The following IL2RA variants were observed in gnomAD, a reference collection of about 807,000 sequenced individuals.
IL2RA encodes the protein interleukin 2 receptor subunit alpha.
In IL2RA, 24 loss-of-function variants were observed where a neutral mutation model predicts 37.8. That is an observed-to-expected ratio of 0.63 (90% CI 0.46 to 0.89). The LOEUF (loss-of-function observed/expected upper bound fraction) is 0.89, where lower values mean the gene tolerates loss of function less well. IL2RA is among the 40% of genes least tolerant of loss of function. IL2RA has a pLI of 0.00. For synonymous variants in IL2RA, 125 were observed against 114.6 expected (o/e 1.09, Z -0.58); for missense variants, 319 against 348.6 (o/e 0.92, Z 0.68).
At chr10:6,050,637 C>T (rs149224866) in intron 1 of IL2RA, among the ~76,000 whole-genome samples, 11 of 152,242 alleles carry the variant, frequency 7.2e-5, no homozygotes, top group Non-Finnish European at 1.5e-4. Context: ...GAGTGAGACT[C>T]TGTCTCAAAA....
chr10:6,021,661 C>T lies in IL2RA; in HGVS notation c.400G>A (p.Glu134Lys). Residue 134 changes from glutamate (E) to lysine (K), a missense_variant, in exon 4 of 8, where the codon GAA (glutamate) becomes AAA (lysine). Physicochemically the swap from Glu to Lys is moderately conservative, Grantham distance 56 (BLOSUM62 1). Coordinates refer to ENST00000379959, the MANE Select transcript of IL2RA (RefSeq NM_000417.3). This position sits in a 1 kb window ranked among gnomAD's most constrained non-coding sequence, Gnocchi z 4.9. Reference protein sequence around the residue: ...HCREPPPWENEATERIYHFVV... With the variant: ...HCREPPPWENKATERIYHFVV... ...AAATGATAAATTCTCTCTGTGGCTTCATTTTCCCATGGTGGAGGTTCCCTG... is the reference window on the plus strand; with the variant it reads ...AAATGATAAATTCTCTCTGTGGCTTTATTTTCCCATGGTGGAGGTTCCCTG... The T allele has an allele frequency of 6.2e-7, 1 of 1,614,142 alleles. No homozygotes were observed. The highest frequency in any genetic ancestry group is 8.5e-7 in the Non-Finnish European group (1 of 1,180,012).
chr10:6,055,839 T>A (rs1197730369), intron 1 of IL2RA, among the ~76,000 whole-genome samples: 1 of 1,466 alleles, frequency 6.8e-4, no homozygotes, highest in East Asian at 2.3e-3. Flanking sequence ...GGGGGCCGAC[T>A]CCCCCCACCT....
chr10:6,032,692 CAAA>C (rs59428144), intron 1 of IL2RA, among the ~76,000 whole-genome samples: 6 of 112,704 alleles, frequency 5.3e-5, no homozygotes, highest in Non-Finnish European at 7.6e-5. Flanking sequence ...GACTCCATCT[CAAA>C]AAAAAAAAAA....
rs962563250 is a variant in IL2RA, at chr10:6,028,724, G to A, written c.65-2699C>T. Among the ~76,000 whole-genome samples, 1 of 152,214 alleles carries A rather than the reference G, an allele frequency of 6.6e-6. No individual in the cohort carries two copies. Among genetic ancestry groups the A allele is most frequent in the Non-Finnish European group, 1.5e-5 (1 of 68,042 alleles). ...TAGAAACAGACCCGTAAAATTGGGT[G>A]TGGTGGCTCATGCCTGTAATCCCAG... On this transcript the variant is annotated intron_variant, in intron 1 of 7. Transcript: ENST00000379959. This position sits in a 1 kb window ranked among gnomAD's most constrained non-coding sequence, Gnocchi z 4.1.
chr10:6,014,245 GC>G lies in IL2RA; in HGVS notation c.795-1350del, dbSNP rs1284540568. On this transcript the variant is annotated intron_variant, in intron 7 of 7. Coordinates refer to ENST00000379959, the MANE Select transcript of IL2RA (RefSeq NM_000417.3). The surrounding 1 kb of genome is among the most constrained non-coding windows in gnomAD (Gnocchi z 4.4). ...AGCACATCACGGGCTCCTGGTCATT[GC>G]CCGAAACAAACAAAAAATATTTCCC... Among the ~76,000 whole-genome samples, 18 of 152,250 alleles carry G rather than the reference GC, an allele frequency of 1.2e-4. No individual in the cohort carries two copies. In the East Asian group the frequency reaches 3.3e-3, roughly 28 times the overall value.
In IL2RA at chr10:6,062,119, G is replaced by A; in HGVS notation, c.33C>T (p.Leu11=). 6.2e-7 allele frequency: 1 copy of A among 1,614,050 alleles called. No homozygotes were observed. Among genetic ancestry groups the A allele is most frequent in the Non-Finnish European group, 8.5e-7 (1 of 1,179,950 alleles). The change falls in exon 1 of 8, where the codon CTC becomes CTT. Residue 11 remains leucine (L), a synonymous_variant. Transcript: ENST00000379959. The stretch of plus-strand genomic sequence containing the variant: ...GGCAGCCAGGCACCATGATGAACGT[G>A]AGCAGTCCCCACATCAGCAGGTATG... MDSYLLMWGL[L]TFIMVPGCQA... is the part of the protein sequence containing the mutation.
chr10:6,062,093 TG>T lies in IL2RA; in HGVS notation c.58del (p.Gln20ArgfsTer28). ...LLTFIMVPGCQAELCDDDPPE... is the reference protein window; with the variant it reads ...LLTFIMVPGCXAELCDDDPPE... ...GGGCACCCACAGGCCCTTACCTGCC[TG>T]GCAGCCAGGCACCATGATGAACGTG... On this transcript the variant is annotated frameshift_variant, in exon 1 of 8. Transcript: ENST00000379959. LOFTEE classifies it high-confidence loss of function. The T allele has an allele frequency of 6.2e-7, 1 of 1,613,920 alleles. No homozygotes were observed. The highest frequency in any genetic ancestry group is 8.5e-7 in the Non-Finnish European group (1 of 1,179,798).
intron 7 of IL2RA, among the ~76,000 whole-genome samples, chr10:6,016,360 A>G (rs4749894): frequency 0.18 from 26,872 of 151,018 alleles, 3,098 homozygotes; most frequent in Middle Eastern, 0.27. Flanking sequence ...TTTATAAGTT[A>G]TAAATCTCTG....
chr10:6,042,148 C>CCAAAAAAAAAAAAAA (rs1211181568), intron 1 of IL2RA, among the ~76,000 whole-genome samples: 2 of 54,132 alleles, frequency 3.7e-5, no homozygotes, highest in Non-Finnish European at 6.1e-5. Context: ...ATGTATTAAG[C>CCAAAAAAAAAAAAAA]AAAAAAAAAA....
chr10:6,011,622 A>C lies in IL2RA; in HGVS notation c.*1250T>G, dbSNP rs527536271. On this transcript the variant is annotated 3_prime_UTR_variant, in exon 8 of 8. Transcript: ENST00000379959. The surrounding 1 kb of genome is among the most constrained non-coding windows in gnomAD (Gnocchi z 5.2). ...CAGTGGTGCCATCATGACTGACTGC[A>C]GCCTCGAACTCCTGGGCTCAAGCAA... is the stretch of plus-strand genomic sequence containing the variant. 1 of 152,502 alleles carries C rather than the reference A, an allele frequency of 6.6e-6. No individual in the cohort carries two copies. Among genetic ancestry groups the C allele is most frequent in the African/African-American group, 2.4e-5 (1 of 41,524 alleles). 9.4% of individuals were successfully genotyped at this position (152,502 alleles called of 1,614,324 possible). A position where few individuals can be genotyped will look rare whatever the true frequency, so the allele number is the denominator to read the frequency against.
rs1564541159 is a variant in IL2RA, at chr10:6,018,828, C to T, written c.727+600G>A. ...CTGCAGTGTAAGGAAGGGGTCCTTT[C>T]AGTCAACCAACCAACCTACCAATCA... On this transcript the variant is annotated intron_variant, in intron 6 of 7. Transcript: ENST00000379959. This position sits in a 1 kb window ranked among gnomAD's most constrained non-coding sequence, Gnocchi z 5.1. 6.6e-6 allele frequency among the ~76,000 whole-genome samples: 1 copy of T among 152,166 alleles called. No homozygotes were observed. Among genetic ancestry groups the T allele is most frequent in the Non-Finnish European group, 1.5e-5 (1 of 68,032 alleles).
rs1463245376 is a variant in IL2RA, at chr10:6,033,777, T to C, written c.65-7752A>G. On this transcript the variant is annotated intron_variant, in intron 1 of 7. Transcript: ENST00000379959. The surrounding 1 kb of genome is among the most constrained non-coding windows in gnomAD (Gnocchi z 4.3). ...GAGATAGAAAGCAGACAGTGGTTTC[T>C]TGTGGTAGGTGGGTATTGACCAGAA... Among the ~76,000 whole-genome samples the C allele has an allele frequency of 6.6e-6, 1 of 152,264 alleles. No individual in the cohort carries two copies. The highest frequency in any genetic ancestry group is 1.5e-5 in the Non-Finnish European group (1 of 68,044).
chr10:6,012,487 G>T lies in IL2RA; in HGVS notation c.*385C>A. ...GGGCTTTCCTTGGGACTCCTGAACTGGGAAGTTGGAATGAGATGAATGTAA... is the reference window on the plus strand; with the variant it reads ...GGGCTTTCCTTGGGACTCCTGAACTTGGAAGTTGGAATGAGATGAATGTAA... On this transcript the variant is annotated 3_prime_UTR_variant, in exon 8 of 8. Transcript: ENST00000379959. The surrounding 1 kb of genome is among the most constrained non-coding windows in gnomAD (Gnocchi z 4.8). The T allele has an allele frequency of 3.3e-6, 1 of 302,068 alleles. No homozygotes were observed. The allele number at this position is 302,068 out of a possible 1,614,324, so 18.7% of individuals were successfully genotyped here.
rs1485091162 is a variant in IL2RA, at chr10:6,035,357, G to A, written c.65-9332C>T. The stretch of plus-strand genomic sequence containing the variant: ...GCAGTAGGCTCTGAGTGGGTGACTG[G>A]CGCCAGGCCAAGTTCTAGGTGGGCT... On this transcript the variant is annotated intron_variant, in intron 1 of 7. Coordinates refer to ENST00000379959, the MANE Select transcript of IL2RA (RefSeq NM_000417.3). This position sits in a 1 kb window ranked among gnomAD's most constrained non-coding sequence, Gnocchi z 5.4. Among the ~76,000 whole-genome samples, 1 of 152,220 alleles carries A rather than the reference G, an allele frequency of 6.6e-6. No individual in the cohort carries two copies. Among genetic ancestry groups the A allele is most frequent in the African/African-American group, 2.4e-5 (1 of 41,472 alleles).
At chr10:6,024,166 C>G in intron 3 of IL2RA, 78 bp downstream of exon 3, 1 of 946,456 alleles carries the variant, frequency 1.1e-6, no homozygotes, top group South Asian at 1.3e-5. Context: ...AGACCTTCTT[C>G]CTTTGGGTAC....
intron 1 of IL2RA, among the ~76,000 whole-genome samples, chr10:6,055,802 T>A (rs1419918641): frequency 3.4e-5 from 1 of 29,828 alleles, no homozygotes; most frequent in African/African-American, 6.6e-5. Flanking sequence ...GCCCCCCACC[T>A]CCCGGACGGG....
Position 6,056,311 on chromosome 10 carries a change from A to C in IL2RA, c.64+5777T>G, listed in dbSNP as rs78728445. On this transcript the variant is annotated intron_variant, in intron 1 of 7. Coordinates refer to ENST00000379959, the MANE Select transcript of IL2RA (RefSeq NM_000417.3). This position sits in a 1 kb window ranked among gnomAD's most constrained non-coding sequence, Gnocchi z 5.0. ...CATGCATGAATGGATGGATGAAGGA[A>C]TATCACTGAGAATTCATGTAAAGAT... Among the ~76,000 whole-genome samples, 36 of 152,362 alleles carry C rather than the reference A, an allele frequency of 2.4e-4. No individual in the cohort carries two copies. The highest frequency in any genetic ancestry group is 4.3e-4 in the African/African-American group (18 of 41,584).
At chr10:6,019,090 A>G (rs1483025735) in intron 6 of IL2RA, among the ~76,000 whole-genome samples, 1 of 151,910 alleles carries the variant, frequency 6.6e-6, no homozygotes, top group African/African-American at 2.4e-5. Context: ...CTATCAACTT[A>G]TCAACCAACC....
rs958903938 is a variant in IL2RA, at chr10:6,020,776, G to T, written c.583+702C>A. Among the ~76,000 whole-genome samples, 1 of 152,090 alleles carries T rather than the reference G, an allele frequency of 6.6e-6. No homozygotes were observed. The highest frequency in any genetic ancestry group is 1.5e-5 in the Non-Finnish European group (1 of 68,022). The stretch of plus-strand genomic sequence containing the variant: ...TCGAACTCCTGACCTAAAGTGATCT[G>T]CCCGCCTTGGCCTCCCAGAGTGCTG... On this transcript the variant is annotated intron_variant, in intron 4 of 7. Coordinates refer to ENST00000379959, the MANE Select transcript of IL2RA (RefSeq NM_000417.3). The surrounding 1 kb of genome is among the most constrained non-coding windows in gnomAD (Gnocchi z 5.6).
Sources: gnomAD v4.1 joint callset for allele counts (sites outside exome capture counted in the v4.1 genomes callset) on GRCh38, gnomAD v4.1.1 for gene constraint, Gnocchi (gnomAD v3.1) non-coding constraint, MANE v1.5 for transcripts, NCBI Gene and HGNC (gene_info 2026-07-23, HGNC 2026-07-21) for gene names.